SF3B3: variants seen among roughly 807,000 people sequenced by gnomAD.
The protein encoded by SF3B3 is splicing factor 3b subunit 3.
In SF3B3, 33 loss-of-function variants were observed where a neutral mutation model predicts 139.2. The observed-to-expected ratio is 0.24, with a 90% CI of 0.18 to 0.32. SF3B3 has a LOEUF of 0.32. Ranked by LOEUF, SF3B3 falls within the 10% of genes least tolerant of loss-of-function variation. The pLI is 1.00. For synonymous variants in SF3B3, 596 were observed against 563.6 expected (o/e 1.06, Z -0.81); for missense variants, 818 against 1,509.4 (o/e 0.54, Z 7.59).
chr16:70,557,461 A>C (rs1597719767), intron 15 of SF3B3, among the ~76,000 whole-genome samples: 1 of 152,242 alleles, frequency 6.6e-6, no homozygotes, highest in Admixed American at 6.5e-5. Flanking sequence ...ACGCTAAGAT[A>C]GTGTCAGGAT....
At chr16:70,555,395 C>G (rs1055630498) in intron 13 of SF3B3, among the ~76,000 whole-genome samples, 189 bp downstream of exon 13, 1 of 148,370 alleles carries the variant, frequency 6.7e-6, no homozygotes, top group Non-Finnish European at 1.5e-5. Flanking sequence ...AGGAGAATTG[C>G]TTGAACCCGG....
rs780407403 is a variant in SF3B3 at position 70,569,024 on chromosome 16, T to G, written c.3166-19T>G. 1.9e-6 allele frequency: 3 copies of G among 1,581,020 alleles called. No individual in the cohort carries two copies. Among genetic ancestry groups the G allele is most frequent in the Non-Finnish European group, 1.7e-6 (2 of 1,156,692 alleles). ...CAGGTCCGGGCCCCAGCAGTGTGACTTGTGTCACTTCCTTGTAGGTGAGGC... is the reference window on the plus strand; with the variant it reads ...CAGGTCCGGGCCCCAGCAGTGTGACGTGTGTCACTTCCTTGTAGGTGAGGC... On this transcript the variant is annotated intron_variant, in intron 22 of 25. Coordinates refer to ENST00000302516, the MANE Select transcript of SF3B3 (RefSeq NM_012426.5).
intron 21 of SF3B3, 111 bp from the exon 22 acceptor site, chr16:70,568,172 G>T: frequency 3.8e-6 from 3 of 792,362 alleles, no homozygotes; most frequent in Non-Finnish European, 2.2e-6. Context: ...GCTGGTTTTT[G>T]GTATTTGCTG....
rs370819088 is a variant in SF3B3 at position 70,570,128 on chromosome 16, T to C, written c.3387T>C (p.Leu1129=). 1.3e-5 allele frequency: 21 copies of C among 1,614,172 alleles called. No homozygotes were observed. The highest frequency in any genetic ancestry group is 1.7e-5 in the Non-Finnish European group (20 of 1,180,026). Residue 1129 remains leucine (L), a synonymous_variant, in exon 24 of 26, where the codon CTT becomes CTC. Coordinates refer to ENST00000302516, the MANE Select transcript of SF3B3 (RefSeq NM_012426.5). ...YTTLSGGIGI[L]VPFTSHEDHD... is the part of the protein sequence containing the mutation. ...CCTTGTCTGGAGGAATTGGCATCCTTGTGCCATTCACGTCCCATGAGGTGA... is the reference window on the plus strand; with the variant it reads ...CCTTGTCTGGAGGAATTGGCATCCTCGTGCCATTCACGTCCCATGAGGTGA...
chr16:70,555,244 G>C (rs753556868), intron 13 of SF3B3, 38 bp downstream of exon 13: 3 of 1,564,600 alleles, frequency 1.9e-6, no homozygotes, highest in African/African-American at 2.7e-5. Context: ...ACTTATTGTA[G>C]GGACCAGAGG....
At chr16:70,552,712 TC>T (rs2050339125) in intron 11 of SF3B3, among the ~76,000 whole-genome samples, 1 of 152,222 alleles carries the variant, frequency 6.6e-6, no homozygotes. Context: ...TCCTTGTTTT[TC>T]AGCCACCACA....
intron 11 of SF3B3, among the ~76,000 whole-genome samples, chr16:70,553,552 CTT>C (rs1303721800): frequency 6.6e-6 from 1 of 151,634 alleles, no homozygotes; most frequent in Non-Finnish European, 1.5e-5. Flanking sequence ...AATCTCAACT[CTT>C]TTAAAAAATT....
chr16:70,525,175 G>A (rs1305170219), intron 1 of SF3B3, among the ~76,000 whole-genome samples: 1 of 152,048 alleles, frequency 6.6e-6, no homozygotes, highest in African/African-American at 2.4e-5. Context: ...GATTAAAGGC[G>A]TGTGCCACCG....
intron 9 of SF3B3, among the ~76,000 whole-genome samples, chr16:70,544,158 ATT>A (rs1175450962): frequency 6.6e-6 from 1 of 152,012 alleles, no homozygotes; most frequent in Non-Finnish European, 1.5e-5. Flanking sequence ...GGGTGTGTTA[ATT>A]TTTTTTAGGA....
At chr16:70,554,705 C>G in intron 12 of SF3B3, 108 bp downstream of exon 12, 1 of 1,147,290 alleles carries the variant, frequency 8.7e-7, no homozygotes, top group Non-Finnish European at 1.2e-6. Context: ...TTCCAGCAAG[C>G]CTTAGGGGTA....
intron 10 of SF3B3, among the ~76,000 whole-genome samples, chr16:70,546,756 C>A (rs1397534428): frequency 1.3e-5 from 2 of 152,192 alleles, no homozygotes; most frequent in Non-Finnish European, 2.9e-5. Flanking sequence ...CACTTCAAAT[C>A]TATAGACAAA....
intron 3 of SF3B3, among the ~76,000 whole-genome samples, chr16:70,529,824 A>G (rs1015206361): frequency 1.3e-5 from 2 of 151,894 alleles, no homozygotes; most frequent in African/African-American, 2.4e-5. Flanking sequence ...CACGGTGGCT[A>G]TTTATCTTTA....
chr16:70,535,405 A>G lies in SF3B3; in HGVS notation c.810A>G (p.Pro270=), dbSNP rs1167139357. The change falls in exon 6 of 26, where the codon CCA becomes CCG. Residue 270 remains proline (P), a synonymous_variant. Coordinates refer to ENST00000302516, the MANE Select transcript of SF3B3 (RefSeq NM_012426.5). ...NFGDQPDIRC[P]IPRRRNDLDD... is the part of the protein sequence containing the mutation. ...GTGACCAGCCAGATATCCGCTGTCC[A>G]ATTCCCAGGAGGCGGGTAAGATCTT... The G allele has an allele frequency of 1.3e-6, 2 of 1,599,442 alleles. No homozygotes were observed. The highest frequency in any genetic ancestry group is 2.2e-5 in the South Asian group (2 of 90,042).
chr16:70,528,537 T>C (rs539312835), intron 2 of SF3B3, among the ~76,000 whole-genome samples: 1 of 150,628 alleles, frequency 6.6e-6, no homozygotes, highest in South Asian at 2.1e-4. Flanking sequence ...AATGGCAGGA[T>C]TATAACCCAC....
intron 15 of SF3B3, among the ~76,000 whole-genome samples, chr16:70,557,442 T>C (rs2050389231): frequency 6.6e-6 from 1 of 152,232 alleles, no homozygotes; most frequent in Admixed American, 6.5e-5. Context: ...GAAGAAAAGG[T>C]GTGCTTTAAC....
chr16:70,541,893 C>CT lies in SF3B3; in HGVS notation c.1233+60dup, dbSNP rs151239646. 6.3e-3 allele frequency: 8,820 copies of CT among 1,410,778 alleles called. 493 individuals are homozygous for CT. In the African/African-American group the frequency reaches 0.11, roughly 18 times the overall value. 87.4% of individuals were successfully genotyped at this position (1,410,778 alleles called of 1,614,324 possible). A position where few individuals can be genotyped will look rare whatever the true frequency, so the allele number is the denominator to read the frequency against. On this transcript the variant is annotated intron_variant, in intron 9 of 25. Transcript: ENST00000302516. Reference sequence around the variant, plus strand: ...ATCTAAAGTTAAACTGAGGTCTAGTCTAAGAAATAGCTTTATTAGTATTTC... The same window carrying CT: ...ATCTAAAGTTAAACTGAGGTCTAGTCTTAAGAAATAGCTTTATTAGTATTTC...
At chr16:70,535,274 C>G (rs148022078) in intron 5 of SF3B3, 34 bp from the exon 6 acceptor site, 522 of 1,150,822 alleles carry the variant, frequency 4.5e-4, no homozygotes, top group Middle Eastern at 1.2e-3. Context: ...ATGTCTGAGT[C>G]AAAGTCACTG....
At chr16:70,542,396 C>G (rs1243802358) in intron 9 of SF3B3, among the ~76,000 whole-genome samples, 1 of 152,152 alleles carries the variant, frequency 6.6e-6, no homozygotes, top group African/African-American at 2.4e-5. Flanking sequence ...AGTTTTGAAT[C>G]ACATTCTCAA....
At chr16:70,555,502 C>T (rs1029707701) in intron 13 of SF3B3, among the ~76,000 whole-genome samples, 5 of 131,828 alleles carry the variant, frequency 3.8e-5, no homozygotes, top group Non-Finnish European at 6.5e-5. Context: ...AAAAAAAAAG[C>T]GAGCTGGAGT....
Sources: gnomAD v4.1 joint callset for allele counts (sites outside exome capture counted in the v4.1 genomes callset) on GRCh38, gnomAD v4.1.1 for gene constraint, MANE v1.5 for transcripts, NCBI Gene and HGNC (gene_info 2026-07-23, HGNC 2026-07-21) for gene names.